Variants in PRR5L observed in about 807,000 individuals in gnomAD.
PRR5L encodes proline-rich protein 5-like.
PRR5L carries 21 observed loss-of-function variants against 36.4 expected under a neutral mutation model. The ratio of observed to expected loss-of-function variants is 0.58; its 90% CI spans 0.41 to 0.83. The LOEUF is 0.83. PRR5L is among the 40% of genes least tolerant of loss of function. The pLI is 0.00. For missense variants in PRR5L, 381 were observed against 473.3 expected (o/e 0.80, Z 1.81); for synonymous variants, 188 against 197.0 (o/e 0.95, Z 0.38).
At chr11:36,417,925 G>A (rs1218310590) in intron 3 of PRR5L, among the ~76,000 whole-genome samples, 1 of 152,212 alleles carries the variant, frequency 6.6e-6, no homozygotes, top group South Asian at 2.1e-4. Flanking sequence ...GATCTGGGGA[G>A]CCAGTTATTC....
chr11:36,423,854 G>A (rs1459865874), intron 4 of PRR5L, among the ~76,000 whole-genome samples: 1 of 152,134 alleles, frequency 6.6e-6, no homozygotes, highest in Non-Finnish European at 1.5e-5. Context: ...GCTTTGGGGT[G>A]GCCTAGAAGC....
At chr11:36,337,964 T>C (rs901237571) in intron 1 of PRR5L, among the ~76,000 whole-genome samples, 6 of 152,238 alleles carry the variant, frequency 3.9e-5, no homozygotes, top group African/African-American at 7.2e-5. Flanking sequence ...ATCTTTAACA[T>C]TGTGCCTCAT....
At chr11:36,423,430 G>C (rs1858314611) in intron 4 of PRR5L, among the ~76,000 whole-genome samples, 1 of 152,138 alleles carries the variant, frequency 6.6e-6, no homozygotes, top group Non-Finnish European at 1.5e-5. Context: ...CCCAGAAAAG[G>C]CAATTATACT....
intron 1 of PRR5L, among the ~76,000 whole-genome samples, chr11:36,398,058 G>A (rs1396593192): frequency 6.6e-6 from 1 of 152,228 alleles, no homozygotes; most frequent in Non-Finnish European, 1.5e-5. Context: ...GCCTCCCAAA[G>A]TGCTGGGATT....
intron 1 of PRR5L, among the ~76,000 whole-genome samples, chr11:36,327,817 CT>C (rs1325792227): frequency 2.0e-5 from 3 of 152,220 alleles, no homozygotes; most frequent in Non-Finnish European, 4.4e-5. Context: ...TCTGAATCTA[CT>C]TATGACCTGG....
chr11:36,451,349 C>G lies in PRR5L; in HGVS notation c.712+14C>G. On this transcript the variant is annotated intron_variant, in intron 8 of 8. Transcript: ENST00000530639. ...CGTACACGCTGGGTAAGGAGTGCAG[C>G]TCTCAAGTTGTCAAGAGGCCCAGTG... The G allele has an allele frequency of 6.2e-7, 1 of 1,613,714 alleles. No homozygotes were observed. The highest frequency in any genetic ancestry group is 1.7e-5 in the Admixed American group (1 of 60,002).
chr11:36,296,731 T>C (rs1325957796), intron 1 of PRR5L, among the ~76,000 whole-genome samples: 1 of 152,230 alleles, frequency 6.6e-6, no homozygotes, highest in Non-Finnish European at 1.5e-5. Context: ...GCCTTAATAA[T>C]AGCTGCTAGT....
At chr11:36,428,713 T>C (rs1858432999) in intron 4 of PRR5L, among the ~76,000 whole-genome samples, 1 of 152,182 alleles carries the variant, frequency 6.6e-6, no homozygotes, top group Non-Finnish European at 1.5e-5. Flanking sequence ...TATACAGCTA[T>C]AAGATAAGAG....
intron 1 of PRR5L, among the ~76,000 whole-genome samples, chr11:36,334,680 C>G (rs1210452492): frequency 6.6e-6 from 1 of 152,184 alleles, no homozygotes; most frequent in Non-Finnish European, 1.5e-5. Context: ...CTATGTAGCA[C>G]TCCTCACAGT....
At chr11:36,409,623 GAAGGTGAGCCTGGATC>G (rs1857984006) in intron 3 of PRR5L, among the ~76,000 whole-genome samples, 1 of 152,206 alleles carries the variant, frequency 6.6e-6, no homozygotes, top group Non-Finnish European at 1.5e-5. Flanking sequence ...GGGACGGGAG[GAAGGTGAGCCTGGATC>G]CAGCTCACAG....
intron 1 of PRR5L, among the ~76,000 whole-genome samples, chr11:36,369,659 G>A (rs1165676141): frequency 6.6e-6 from 1 of 152,100 alleles, no homozygotes; most frequent in Non-Finnish European, 1.5e-5. Flanking sequence ...GCAGTGGTGA[G>A]ATCTCAGCTC....
At chr11:36,416,897 C>T (rs910239272) in intron 3 of PRR5L, among the ~76,000 whole-genome samples, 1 of 152,154 alleles carries the variant, frequency 6.6e-6, no homozygotes, top group Non-Finnish European at 1.5e-5. Context: ...CTGTGAGATG[C>T]CTGGGGCAAC....
chr11:36,358,707 G>C (rs1857054153), intron 1 of PRR5L, among the ~76,000 whole-genome samples: 1 of 152,150 alleles, frequency 6.6e-6, no homozygotes, highest in Non-Finnish European at 1.5e-5. Context: ...TAACTGTCAG[G>C]AAAGAAATAG....
At chr11:36,456,049 G>A (rs1859051165) in intron 8 of PRR5L, among the ~76,000 whole-genome samples, 1 of 152,118 alleles carries the variant, frequency 6.6e-6, no homozygotes, top group Non-Finnish European at 1.5e-5. Context: ...AGAGAGCAGG[G>A]CCTTGGAAAC....
chr11:36,379,143 T>A (rs1417835854), intron 1 of PRR5L, among the ~76,000 whole-genome samples: 1 of 152,236 alleles, frequency 6.6e-6, no homozygotes, highest in Non-Finnish European at 1.5e-5. Context: ...CAGACCTAAA[T>A]CATAATCCTC....
At chr11:36,351,337 TTTATA>T (rs1856945335) in intron 1 of PRR5L, among the ~76,000 whole-genome samples, 2 of 72,086 alleles carry the variant, frequency 2.8e-5, no homozygotes, top group African/African-American at 5.4e-5. Context: ...TTTATATATA[TTTATA>T]ATATATAATA....
At chr11:36,393,536 G>A (rs937931637) in intron 1 of PRR5L, among the ~76,000 whole-genome samples, 19 of 152,126 alleles carry the variant, frequency 1.2e-4, no homozygotes, top group African/African-American at 4.1e-4. Flanking sequence ...ACTAATCTGT[G>A]TGTCTGTTTT....
intron 7 of PRR5L, 41 bp from the exon 8 acceptor site, chr11:36,451,168 T>C (rs1858936529): frequency 6.2e-7 from 1 of 1,609,640 alleles, no homozygotes; most frequent in Non-Finnish European, 8.5e-7. Context: ...GTCATGGCAA[T>C]GAACACTGAC....
intron 1 of PRR5L, among the ~76,000 whole-genome samples, chr11:36,385,412 G>A (rs1034924392): frequency 6.6e-6 from 1 of 152,256 alleles, no homozygotes; most frequent in Non-Finnish European, 1.5e-5. Context: ...TGATTATACA[G>A]TGGCTTGCAG....
Sources: gnomAD v4.1 joint callset for allele counts (sites outside exome capture counted in the v4.1 genomes callset) on GRCh38, gnomAD v4.1.1 for gene constraint, MANE v1.5 for transcripts, NCBI Gene and HGNC (gene_info 2026-07-23, HGNC 2026-07-21) for gene names.